The following RARB variants were observed in gnomAD, a reference collection of about 807,000 sequenced individuals.
The protein encoded by RARB is HBV-activated protein.
In RARB, 17 loss-of-function variants were observed where a neutral mutation model predicts 51.9. That is an observed-to-expected ratio of 0.33 (90% CI 0.22 to 0.49). The LOEUF is 0.49. Ranked by LOEUF, RARB falls within the 20% of genes least tolerant of loss-of-function variation. The pLI is 0.99. For synonymous variants in RARB, 215 were observed against 195.4 expected, an observed-to-expected ratio of 1.10 and a Z score of -0.84; for missense variants, 369 against 550.8, an observed-to-expected ratio of 0.67 and a Z score of 3.30.
At chr3:25,262,102 C>G (rs965989421) in intron 5 of RARB, among the ~76,000 whole-genome samples, 3 of 152,172 alleles carry the variant, frequency 2.0e-5, no homozygotes, top group Non-Finnish European at 4.4e-5. Context: ...GGGAAGCTCT[C>G]TATGACTAAA....
At chr3:24,883,254 A>T (rs1703203819) in intron 2 of RARB, among the ~76,000 whole-genome samples, 1 of 152,046 alleles carries the variant, frequency 6.6e-6, no homozygotes, top group African/African-American at 2.4e-5. Context: ...AGAGTCATTG[A>T]TCTCTAATTA....
chr3:25,161,508 T>A (rs1049278054), intron 4 of RARB, among the ~76,000 whole-genome samples: 2 of 152,136 alleles, frequency 1.3e-5, no homozygotes, highest in African/African-American at 2.4e-5. Context: ...GTCCTTTTAA[T>A]GTTAATGTAG....
chr3:24,973,569 C>G (rs115715352), intron 2 of RARB, among the ~76,000 whole-genome samples: 2,742 of 152,054 alleles, frequency 0.018, 42 homozygotes, highest in Middle Eastern at 0.041. Context: ...CTCATTTTAA[C>G]AATATTTTAA....
rs147477737 is a variant in RARB, at chr3:24,860,112, C to A, written c.-380+1360C>A. 3.9e-3 allele frequency among the ~76,000 whole-genome samples: 593 copies of A among 152,206 alleles called. 2 individuals carry two copies. The highest frequency in any genetic ancestry group is 0.014 in the African/African-American group (566 of 41,544). On this transcript the variant is annotated intron_variant, in intron 2 of 11. Transcript: ENST00000383772. ...GATCTTGTATTATGTTCATGTTAAACTAATCATTTCCCAAAATGAACGGGG... is the reference window on the plus strand; with the variant it reads ...GATCTTGTATTATGTTCATGTTAAAATAATCATTTCCCAAAATGAACGGGG...
At chr3:25,223,456 G>A (rs1007537648) in intron 5 of RARB, among the ~76,000 whole-genome samples, 9 of 152,164 alleles carry the variant, frequency 5.9e-5, no homozygotes, top group Non-Finnish European at 8.8e-5. Context: ...ATTCTTGCTT[G>A]AATAGAGAAC....
In RARB at chr3:25,594,581, A is replaced by C; in HGVS notation, c.1053A>C (p.Ala351=). Residue 351 remains alanine, a synonymous_variant, in exon 7 of 8, where the codon GCA becomes GCC. Coordinates refer to ENST00000330688, the MANE Select transcript of RARB (RefSeq NM_000965.5). ...AGCTACAAGAACCATTGCTGGAAGC[A>C]CTAAAAATTTATATCAGAAAAAGAC... The part of the protein sequence containing the change: ...VDKLQEPLLE[A]LKIYIRKRRP... 1 of 1,613,874 alleles carries C rather than the reference A, an allele frequency of 6.2e-7. No individual in the cohort carries two copies. The highest frequency in any genetic ancestry group is 8.5e-7 in the Non-Finnish European group (1 of 1,179,886).
chr3:25,100,540 A>G (rs556497115), intron 3 of RARB, among the ~76,000 whole-genome samples: 2 of 152,318 alleles, frequency 1.3e-5, no homozygotes, highest in African/African-American at 2.4e-5. Context: ...CTAAGAATAC[A>G]TGTATCATTC....
intron 4 of RARB, among the ~76,000 whole-genome samples, chr3:25,155,399 C>T (rs1180709155): frequency 6.6e-6 from 1 of 152,156 alleles, no homozygotes; most frequent in Non-Finnish European, 1.5e-5. Flanking sequence ...TTACTGTCTT[C>T]CCTCACGGGT....
chr3:25,337,283 A>G (rs1289291388), intron 5 of RARB, among the ~76,000 whole-genome samples: 1 of 152,206 alleles, frequency 6.6e-6, no homozygotes, highest in African/African-American at 2.4e-5. Flanking sequence ...TGGATCAACA[A>G]TAATTTAAAA....
Position 25,149,068 on chromosome 3 carries a change from C to A in RARB, c.-280+16860C>A, listed in dbSNP as rs373832464. On this transcript the variant is annotated intron_variant, in intron 4 of 11. Coordinates refer to the RARB transcript ENST00000383772. Reference sequence around the variant, plus strand: ...CCTAGCAACATGGCCATCCCATCACCTTTTTCTGAACTTCTTCAAGAAGTA... The same window carrying A: ...CCTAGCAACATGGCCATCCCATCACATTTTTCTGAACTTCTTCAAGAAGTA... Among the ~76,000 whole-genome samples the A allele has an allele frequency of 3.9e-5, 6 of 152,272 alleles. No individual in the cohort carries two copies. The East Asian group carries it at 1.2e-3, about 29-fold the overall frequency.
chr3:25,525,807 C>T (rs900560775), intron 3 of RARB, among the ~76,000 whole-genome samples: 11 of 152,098 alleles, frequency 7.2e-5, no homozygotes, highest in East Asian at 1.9e-4. Context: ...AAAGTGGTCA[C>T]GGATGGTCTG....
At chr3:25,481,708 C>T (rs1026629864) in intron 2 of RARB, among the ~76,000 whole-genome samples, 6 of 152,186 alleles carry the variant, frequency 3.9e-5, no homozygotes, top group African/African-American at 1.4e-4. Flanking sequence ...CACCTACATC[C>T]AACTTACCTT....
At chr3:24,976,148 T>G (rs536790309) in intron 2 of RARB, among the ~76,000 whole-genome samples, 53 of 152,348 alleles carry the variant, frequency 3.5e-4, no homozygotes, top group African/African-American at 1.2e-3. Context: ...ATGTGCCACA[T>G]TTTCTTAATC....
intron 5 of RARB, among the ~76,000 whole-genome samples, chr3:25,356,223 C>T (rs1705730091): frequency 6.6e-6 from 1 of 152,072 alleles, no homozygotes; most frequent in South Asian, 2.1e-4. Flanking sequence ...AGCCTAGTTT[C>T]TTCCTCTTCT....
At chr3:24,973,456 T>A (rs894670572) in intron 2 of RARB, among the ~76,000 whole-genome samples, 1 of 152,080 alleles carries the variant, frequency 6.6e-6, no homozygotes, top group Admixed American at 6.6e-5. Flanking sequence ...TTGAGGTCTT[T>A]TATGTTTCTA....
intron 1 of RARB, among the ~76,000 whole-genome samples, chr3:24,844,778 G>A (rs1255357908): frequency 3.9e-5 from 6 of 152,080 alleles, no homozygotes; most frequent in Admixed American, 6.6e-5. Flanking sequence ...GGACCCCTGC[G>A]ATCTGGAACC....
intron 2 of RARB, among the ~76,000 whole-genome samples, chr3:25,485,054 ACT>A (rs1007682617): frequency 1.5e-4 from 23 of 152,204 alleles, no homozygotes; most frequent in Non-Finnish European, 2.4e-4. Flanking sequence ...CACTCAAAAC[ACT>A]CTCTTTGCCT....
intron 3 of RARB, among the ~76,000 whole-genome samples, chr3:25,126,699 T>C (rs1161631542): frequency 6.6e-6 from 1 of 152,134 alleles, no homozygotes; most frequent in Non-Finnish European, 1.5e-5. Flanking sequence ...ATAACTTTCA[T>C]CTCCTGAAAA....
At chr3:25,083,275 A>T (rs1046419290) in intron 3 of RARB, among the ~76,000 whole-genome samples, 3 of 151,944 alleles carry the variant, frequency 2.0e-5, no homozygotes, top group Admixed American at 2.0e-4. Flanking sequence ...TTCTTAGGGG[A>T]TCCTAATTGC....
Sources: gnomAD v4.1 joint callset for allele counts (sites outside exome capture counted in the v4.1 genomes callset) on GRCh38, gnomAD v4.1.1 for gene constraint, MANE v1.5 for transcripts, NCBI Gene and HGNC (gene_info 2026-07-23, HGNC 2026-07-21) for gene names.